TTC39A: variants seen among roughly 807,000 people sequenced by gnomAD.
The protein encoded by TTC39A is tetratricopeptide repeat domain 39A, also known as tetratricopeptide repeat protein 39A.
Under a neutral mutation model 82.3 loss-of-function variants are expected in TTC39A, and 46 were observed. That is an observed-to-expected ratio of 0.56 (90% CI 0.44 to 0.71). TTC39A has a LOEUF of 0.71. TTC39A is among the 30% of genes least tolerant of loss of function. TTC39A has a pLI of 0.00. For missense variants in TTC39A, 543 were observed against 712.9 expected (o/e 0.76, Z 2.71); for synonymous variants, 254 against 275.2 (o/e 0.92, Z 0.76).
At chr1:51,311,025 G>C (rs1000658578) in intron 5 of TTC39A, among the ~76,000 whole-genome samples, 1 of 152,214 alleles carries the variant, frequency 6.6e-6, no homozygotes, top group South Asian at 2.1e-4. Flanking sequence ...ACAGCATCCC[G>C]GTAATGGTGG....
At chr1:51,312,745 G>A in intron 3 of TTC39A, 67 bp downstream of exon 3, 7 of 1,577,084 alleles carry the variant, frequency 4.4e-6, no homozygotes, top group South Asian at 1.2e-5. Flanking sequence ...GTTAGGCCCT[G>A]GAATGGGCCA....
upstream of TTC39A, chr1:51,331,221 T>G: frequency 6.5e-7 from 1 of 1,546,720 alleles, no homozygotes; most frequent in Non-Finnish European, 8.7e-7. Flanking sequence ...CTGGCCCCTT[T>G]CCCCCTTGGC....
rs1052903351 is a variant in TTC39A, at chr1:51,321,831, G to T, written c.42-6C>A. 1 of 1,611,938 alleles carries T rather than the reference G, an allele frequency of 6.2e-7. No individual in the cohort carries two copies. The highest frequency in any genetic ancestry group is 1.3e-5 in the African/African-American group (1 of 74,872). ...GGAGGCTGCTCTCAGGAGTCCTGGGGGAAGAGATGCGGGGCATGACACAGG... is the reference window on the plus strand; with the variant it reads ...GGAGGCTGCTCTCAGGAGTCCTGGGTGAAGAGATGCGGGGCATGACACAGG... On this transcript the variant is annotated splice_region_variant and splice_polypyrimidine_tract_variant and intron_variant, in intron 1 of 17. Transcript: ENST00000680483. The surrounding 1 kb of genome is among the most constrained non-coding windows in gnomAD (Gnocchi z 4.6).
chr1:51,323,004 C>CT lies in TTC39A; in HGVS notation c.42-1180dup, dbSNP rs564365974. Among the ~76,000 whole-genome samples the CT allele has an allele frequency of 2.6e-3, 402 of 152,110 alleles. 4 individuals are homozygous for CT. The highest frequency in any genetic ancestry group is 3.5e-3 in the Non-Finnish European group (240 of 67,968). ...CTGTTCTCCCCCAGTCTTTGCCTTTCTTTTTTTTGGTGGATATGGGGTCTC... is the reference window on the plus strand; with the variant it reads ...CTGTTCTCCCCCAGTCTTTGCCTTTCTTTTTTTTTGGTGGATATGGGGTCTC... On this transcript the variant is annotated intron_variant, in intron 1 of 17. Transcript: ENST00000680483.
upstream of TTC39A, chr1:51,330,659 C>T (rs1570012578): frequency 1.0e-6 from 1 of 980,384 alleles, no homozygotes; most frequent in African/African-American, 1.8e-5. This position sits in a 1 kb window ranked among gnomAD's most constrained non-coding sequence, Gnocchi z 4.5. Flanking sequence ...CACCGTAGGG[C>T]CATGGCCGCC....
Position 51,330,223 on chromosome 1 carries a change from C to G in TTC39A, c.41+214G>C, listed in dbSNP as rs1645853943. ...AGTTGGGACCCAGAAGGTGAGTGACCGACCCGGGGTCCCCGCGCCTCCGCC... is the reference window on the plus strand; with the variant it reads ...AGTTGGGACCCAGAAGGTGAGTGACGGACCCGGGGTCCCCGCGCCTCCGCC... On this transcript the variant is annotated intron_variant, in intron 1 of 17. Transcript: ENST00000680483. The surrounding 1 kb of genome is among the most constrained non-coding windows in gnomAD (Gnocchi z 4.5). The G allele has an allele frequency of 1.0e-6, 1 of 985,236 alleles. No homozygotes were observed. The highest frequency in any genetic ancestry group is 1.2e-6 in the Non-Finnish European group (1 of 829,828). The allele number at this position is 985,236 out of a possible 1,614,324, so 61.0% of individuals were successfully genotyped here.
At chr1:51,337,319 C>T (rs948648112) in intron 1 of TTC39A, among the ~76,000 whole-genome samples, 5 of 152,250 alleles carry the variant, frequency 3.3e-5, no homozygotes, top group Middle Eastern at 3.4e-3. Context: ...CTTGCTATTC[C>T]GTCTGCCTGG....
upstream of TTC39A, chr1:51,331,832 G>A (rs1570016824): frequency 1.0e-6 from 1 of 984,832 alleles, no homozygotes; most frequent in Non-Finnish European, 1.2e-6. Context: ...GAGAGACTGG[G>A]GAGCTTCCTG....
intron 2 of TTC39A, among the ~76,000 whole-genome samples, chr1:51,315,775 C>G (rs1014805219): frequency 6.6e-6 from 1 of 152,226 alleles, no homozygotes; most frequent in Non-Finnish European, 1.5e-5. Context: ...TTTGCACAGG[C>G]TGTTCCCTCT....
At chr1:51,308,056 T>G (rs376710037) in intron 6 of TTC39A, among the ~76,000 whole-genome samples, 1 of 152,148 alleles carries the variant, frequency 6.6e-6, no homozygotes, top group Non-Finnish European at 1.5e-5. Context: ...CTGCCTTCTC[T>G]GTGGTGCATG....
In TTC39A at chr1:51,288,232, G is replaced by C. The variant is rs17392930; in HGVS notation, c.1659C>G (p.Ile553Met). Residue 553 changes from isoleucine (I) to methionine (M), a missense_variant, in exon 18 of 18, where the codon ATC becomes ATG. Coordinates refer to ENST00000680483, the MANE Select transcript of TTC39A (RefSeq NM_001297663.2). The surrounding 1 kb of genome is among the most constrained non-coding windows in gnomAD (Gnocchi z 4.8). ...ACTTGGCTTGGAGTGTGGCTGCCTG[G>C]ATTCGAAAGTGTGTCCTTGACTCCA... The part of the protein sequence containing the change: ...YSMESRTHFR[I>M]QAATLQAKSS... 2 of 1,614,030 alleles carry C rather than the reference G, an allele frequency of 1.2e-6. No individual in the cohort carries two copies. Among genetic ancestry groups the C allele is most frequent in the Non-Finnish European group, 8.5e-7 (1 of 1,179,892 alleles).
intron 14 of TTC39A, among the ~76,000 whole-genome samples, chr1:51,293,566 C>T (rs1644301968): frequency 6.6e-6 from 1 of 152,136 alleles, no homozygotes. Flanking sequence ...GAAGAGGGAA[C>T]CGACCTAAAG....
At chr1:51,315,526 C>T (rs1469794894) in intron 2 of TTC39A, among the ~76,000 whole-genome samples, 1 of 152,178 alleles carries the variant, frequency 6.6e-6, no homozygotes, top group Non-Finnish European at 1.5e-5. Flanking sequence ...CTTGGCCTCT[C>T]CAAGTCTCTT....
Position 51,296,177 on chromosome 1 carries a change from G to C in TTC39A, c.1054-7C>G, listed in dbSNP as rs912593574. ...TCATGTAAATGTAGGTGGCCTGTGC[G>C]AGACAGAGCAACAGCCAGGTGTGAG... On this transcript the variant is annotated splice_polypyrimidine_tract_variant and splice_region_variant and intron_variant, in intron 12 of 17. Transcript: ENST00000680483. 2 of 1,581,916 alleles carry C rather than the reference G, an allele frequency of 1.3e-6. No individual in the cohort carries two copies. Among genetic ancestry groups the C allele is most frequent in the Admixed American group, 3.6e-5 (2 of 55,044 alleles).
At chr1:51,311,821 A>G (rs548912356) in intron 4 of TTC39A, among the ~76,000 whole-genome samples, 1 of 152,326 alleles carries the variant, frequency 6.6e-6, no homozygotes, top group South Asian at 2.1e-4. Context: ...CTGCACATAC[A>G]ACTCTAAACA....
At chr1:51,332,353 T>C (rs60286753), upstream of TTC39A, among the ~76,000 whole-genome samples, 4,762 of 152,304 alleles carry the variant, frequency 0.031, 257 homozygotes, top group African/African-American at 0.11. Flanking sequence ...CTCCGTCTCC[T>C]GGGTTCAAGT....
chr1:51,320,066 C>A (rs921068857), intron 2 of TTC39A, among the ~76,000 whole-genome samples: 3 of 152,076 alleles, frequency 2.0e-5, no homozygotes, highest in African/African-American at 7.2e-5. Context: ...ATCAAAGAAA[C>A]AGGAGAAAAG....
chr1:51,340,588 C>T (rs1160115013), intron 1 of TTC39A, among the ~76,000 whole-genome samples: 3 of 152,178 alleles, frequency 2.0e-5, no homozygotes, highest in Non-Finnish European at 4.4e-5. Context: ...CTTACTTGAC[C>T]CCACCTCTCA....
intron 4 of TTC39A, 83 bp from the exon 5 acceptor site, chr1:51,311,404 C>T: frequency 7.5e-7 from 1 of 1,334,358 alleles, no homozygotes; most frequent in Admixed American, 2.2e-5. Flanking sequence ...CCCAACTTCC[C>T]CAAAAGCAAA....
Sources: gnomAD v4.1 joint callset for allele counts (sites outside exome capture counted in the v4.1 genomes callset) on GRCh38, gnomAD v4.1.1 for gene constraint, Gnocchi (gnomAD v3.1) non-coding constraint, MANE v1.5 for transcripts, NCBI Gene and HGNC (gene_info 2026-07-23, HGNC 2026-07-21) for gene names.